The following CDH12 variants were observed in gnomAD, a reference collection of about 807,000 sequenced individuals.
CDH12 encodes the protein cadherin 12.
A neutral mutation model predicts 74.1 loss-of-function variants in CDH12; 41 were observed. The ratio of observed to expected loss-of-function variants is 0.55; its 90% CI spans 0.43 to 0.72. The LOEUF is 0.72. Ranked by LOEUF, CDH12 falls within the 30% of genes least tolerant of loss-of-function variation. CDH12 has a pLI of 0.00. For synonymous variants in CDH12, 399 were observed against 355.0 expected (o/e 1.12, Z -1.39); for missense variants, 945 against 977.2 (o/e 0.97, Z 0.44).
At position 22,227,518 on chromosome 5, in the gene CDH12, A is replaced by G. The variant is rs139053591; in HGVS notation, c.-332-14875T>C. Among the ~76,000 whole-genome samples the G allele has an allele frequency of 4.6e-5, 7 of 152,246 alleles. No homozygotes were observed. The East Asian group carries it at 1.4e-3, about 29-fold the overall frequency. On this transcript the variant is annotated intron_variant, in intron 3 of 14. Transcript: ENST00000382254. ...AGGTTGATTAATTCACAAATTACTTATAGTGGGAACTTTGAAGAGCTGCTA... is the reference window on the plus strand; with the variant it reads ...AGGTTGATTAATTCACAAATTACTTGTAGTGGGAACTTTGAAGAGCTGCTA...
chr5:21,844,335 C>T (rs936197085), intron 7 of CDH12, among the ~76,000 whole-genome samples: 1 of 146,952 alleles, frequency 6.8e-6, no homozygotes, highest in African/African-American at 2.5e-5. Flanking sequence ...GGCTTAGTAC[C>T]CAGATTTCAA....
intron 1 of CDH12, among the ~76,000 whole-genome samples, chr5:22,572,169 T>C (rs903163468): frequency 6.6e-6 from 1 of 152,158 alleles, no homozygotes; most frequent in Non-Finnish European, 1.5e-5. Context: ...AAAAAAGTTA[T>C]ATGAGATCTT....
At chr5:22,291,992 T>C (rs960608149) in intron 3 of CDH12, among the ~76,000 whole-genome samples, 3 of 152,126 alleles carry the variant, frequency 2.0e-5, no homozygotes, top group Non-Finnish European at 4.4e-5. Context: ...AGCATGGTAC[T>C]GGCATAAAAA....
intron 1 of CDH12, among the ~76,000 whole-genome samples, chr5:22,751,974 G>A (rs990085574): frequency 2.0e-5 from 3 of 151,826 alleles, no homozygotes; most frequent in African/African-American, 7.3e-5. Flanking sequence ...TTTGAAGAGT[G>A]ATCAGCTACA....
chr5:21,803,284 A>C (rs1321830480), intron 9 of CDH12, among the ~76,000 whole-genome samples: 1 of 151,918 alleles, frequency 6.6e-6, no homozygotes, highest in Non-Finnish European at 1.5e-5. Context: ...TTTACTAGTA[A>C]ATGTCTGTAT....
chr5:21,967,012 A>T (rs1377158732), intron 6 of CDH12, among the ~76,000 whole-genome samples: 2 of 151,998 alleles, frequency 1.3e-5, no homozygotes, highest in African/African-American at 2.4e-5. Context: ...TTTTCACCTG[A>T]ATCAGTGGGT....
At chr5:22,652,749 GTTTGCA>G (rs920759063) in intron 1 of CDH12, among the ~76,000 whole-genome samples, 1 of 152,140 alleles carries the variant, frequency 6.6e-6, no homozygotes, top group Non-Finnish European at 1.5e-5. Flanking sequence ...AAGTGTATGT[GTTTGCA>G]AGAAATAATT....
intron 3 of CDH12, among the ~76,000 whole-genome samples, chr5:22,266,317 C>A (rs1404467291): frequency 5.3e-5 from 8 of 152,118 alleles, no homozygotes; most frequent in African/African-American, 1.9e-4. Context: ...AGGTAATCTG[C>A]CCACCTCGGC....
intron 1 of CDH12, among the ~76,000 whole-genome samples, chr5:22,808,367 A>C (rs1392839341): frequency 6.6e-6 from 1 of 152,190 alleles, no homozygotes; most frequent in Non-Finnish European, 1.5e-5. Flanking sequence ...CTTGATGAAT[A>C]AGAAAGATGA....
At chr5:22,078,359 C>T in intron 5 of CDH12, 87 bp downstream of exon 5, 1 of 1,187,894 alleles carries the variant, frequency 8.4e-7, no homozygotes, top group Non-Finnish European at 1.2e-6. Context: ...CTGGTTTGTT[C>T]AACTCCTGTG....
intron 1 of CDH12, among the ~76,000 whole-genome samples, chr5:22,831,770 C>T (rs755614098): frequency 9.2e-5 from 14 of 151,770 alleles, no homozygotes; most frequent in Non-Finnish European, 1.6e-4. Flanking sequence ...CGGTGGCGAG[C>T]GCCTGTAATC....
At chr5:22,382,525 G>T (rs112746839) in intron 3 of CDH12, among the ~76,000 whole-genome samples, 7 of 151,406 alleles carry the variant, frequency 4.6e-5, no homozygotes, top group African/African-American at 1.5e-4. Flanking sequence ...AGGGCCACTG[G>T]TTATGTAATA....
intron 3 of CDH12, among the ~76,000 whole-genome samples, chr5:22,307,255 T>C (rs1460113293): frequency 1.3e-5 from 2 of 152,216 alleles, no homozygotes; most frequent in Non-Finnish European, 2.9e-5. Context: ...ATTCCTGGCA[T>C]TTTCCAGAGA....
intron 11 of CDH12, 65 bp from the exon 12 acceptor site, chr5:21,765,164 A>T: frequency 7.7e-7 from 1 of 1,298,734 alleles, no homozygotes; most frequent in East Asian, 2.7e-5. Flanking sequence ...TTCTACAATA[A>T]ATAGTATTTA....
chr5:22,467,249 T>A (rs559480620), intron 2 of CDH12, among the ~76,000 whole-genome samples: 1 of 152,294 alleles, frequency 6.6e-6, no homozygotes, highest in East Asian at 1.9e-4. Context: ...AAATTTTAAC[T>A]GTTTAGCGAG....
intron 2 of CDH12, among the ~76,000 whole-genome samples, chr5:22,471,294 A>G (rs1442781036): frequency 6.6e-6 from 1 of 152,090 alleles, no homozygotes; most frequent in Non-Finnish European, 1.5e-5. Context: ...GCATTTCTGC[A>G]CCTTGCTTCC....
At chr5:21,765,544 A>C (rs1744975574) in intron 11 of CDH12, among the ~76,000 whole-genome samples, 1 of 150,836 alleles carries the variant, frequency 6.6e-6, no homozygotes, top group Admixed American at 6.6e-5. Context: ...ACTATAACAA[A>C]AAAAAAAAAA....
intron 3 of CDH12, among the ~76,000 whole-genome samples, chr5:22,319,713 G>T (rs186156903): frequency 3.9e-5 from 6 of 152,030 alleles, no homozygotes; most frequent in Non-Finnish European, 8.8e-5. Context: ...TTTCATATTT[G>T]TTTATTACAG....
chr5:21,874,180 C>A (rs1200540195), intron 6 of CDH12, among the ~76,000 whole-genome samples: 2 of 152,096 alleles, frequency 1.3e-5, no homozygotes, highest in African/African-American at 4.8e-5. Flanking sequence ...CAAGAAAAAA[C>A]AAACAACCCC....
Sources: gnomAD v4.1 joint callset for allele counts (sites outside exome capture counted in the v4.1 genomes callset) on GRCh38, gnomAD v4.1.1 for gene constraint, MANE v1.5 for transcripts, NCBI Gene and HGNC (gene_info 2026-07-23, HGNC 2026-07-21) for gene names.